C12orf42: variants seen among roughly 807,000 people sequenced by gnomAD.
C12orf42 encodes chromosome 12 open reading frame 42.
Under a neutral mutation model 21.6 loss-of-function variants are expected in C12orf42, and 25 were observed. The observed-to-expected ratio is 1.16, with a 90% CI of 0.84 to 1.62. The LOEUF is 1.62. Ranked by LOEUF, C12orf42 falls within the 40% of genes most tolerant of loss-of-function variation. C12orf42 has a pLI of 0.00. For synonymous variants in C12orf42, 174 were observed against 175.0 expected, an observed-to-expected ratio of 0.99 and a Z score of 0.05; for missense variants, 483 against 459.3, an observed-to-expected ratio of 1.05 and a Z score of -0.47.
chr12:103,436,870 C>T (rs1950765832), intron 2 of C12orf42, among the ~76,000 whole-genome samples: 2 of 148,914 alleles, frequency 1.3e-5, no homozygotes, highest in Admixed American at 6.7e-5. Flanking sequence ...AACAAGGATA[C>T]CCAGGAATTG....
At chr12:103,374,898 C>T (rs1318432197) in intron 3 of C12orf42, among the ~76,000 whole-genome samples, 2 of 152,194 alleles carry the variant, frequency 1.3e-5, no homozygotes, top group African/African-American at 4.8e-5. Flanking sequence ...GGACAATGCT[C>T]ACTTTGTCTT....
the C12orf42 span, among the ~76,000 whole-genome samples, chr12:103,219,716 A>G: frequency 1.3e-5 from 2 of 152,350 alleles, no homozygotes; most frequent in South Asian, 2.1e-4. Context: ...ATGAGATACC[A>G]TCTCACACCA....
At chr12:103,193,699 G>A in the C12orf42 span, among the ~76,000 whole-genome samples, 1 of 151,992 alleles carries the variant, frequency 6.6e-6, no homozygotes, top group Non-Finnish European at 1.5e-5. Flanking sequence ...ATCAGTAATC[G>A]AAAACCTTCC....
Position 103,401,698 on chromosome 12 carries a change from T to A in C12orf42, c.79-23A>T. ...TTTCTGAAACATTAGAAACAAGGCA[T>A]TTAGTATCACTTCAATAATTCTTAC... is the stretch of plus-strand genomic sequence containing the variant. On this transcript the variant is annotated intron_variant, in intron 2 of 5. Coordinates refer to ENST00000548883, the MANE Select transcript of C12orf42 (RefSeq NM_198521.5). 3 of 1,597,232 alleles carry A rather than the reference T, an allele frequency of 1.9e-6. No homozygotes were observed. The East Asian group carries it at 6.7e-5, about 36-fold the overall frequency.
chr12:103,313,422 C>G (rs1272395159), intron 4 of C12orf42, among the ~76,000 whole-genome samples: 1 of 152,052 alleles, frequency 6.6e-6, no homozygotes, highest in African/African-American at 2.4e-5. Context: ...TGCACCACAC[C>G]CAAGAGGTGG....
the C12orf42 span, among the ~76,000 whole-genome samples, chr12:103,059,784 T>C: frequency 6.6e-6 from 1 of 152,290 alleles, no homozygotes; most frequent in East Asian, 1.9e-4. Context: ...TTAACATCCC[T>C]TCATGTTAAA....
At chr12:103,385,937 C>A (rs1178873389) in intron 3 of C12orf42, among the ~76,000 whole-genome samples, 1 of 152,054 alleles carries the variant, frequency 6.6e-6, no homozygotes, top group Non-Finnish European at 1.5e-5. Flanking sequence ...TCACTGTGAT[C>A]AAAAAGGCTC....
chr12:103,177,895 G>T, the C12orf42 span, among the ~76,000 whole-genome samples: 1 of 151,978 alleles, frequency 6.6e-6, no homozygotes, highest in African/African-American at 2.4e-5. Context: ...TAACAGCAGT[G>T]CATCTCTTAG....
the C12orf42 span, among the ~76,000 whole-genome samples, chr12:103,543,655 C>T: frequency 1.3e-5 from 2 of 151,978 alleles, no homozygotes; most frequent in East Asian, 3.9e-4. Context: ...TCACCCACTT[C>T]CCAGTGCCCC....
chr12:103,290,436 A>G (rs995618171), intron 4 of C12orf42, among the ~76,000 whole-genome samples: 1 of 152,172 alleles, frequency 6.6e-6, no homozygotes, highest in Admixed American at 6.6e-5. Flanking sequence ...CACTCAAAAG[A>G]GGTTAAAATG....
chr12:103,524,166 A>G, the C12orf42 span, among the ~76,000 whole-genome samples: 117 of 152,280 alleles, frequency 7.7e-4, no homozygotes, highest in Non-Finnish European at 1.3e-3. Flanking sequence ...TCCTTTTGCA[A>G]GGATTTCTTG....
the C12orf42 span, among the ~76,000 whole-genome samples, chr12:103,542,571 C>G: frequency 5.1e-4 from 77 of 152,348 alleles, no homozygotes; most frequent in African/African-American, 1.8e-3. Context: ...AGCATATGAA[C>G]AAGTGCATGT....
At chr12:103,167,513 C>G in the C12orf42 span, among the ~76,000 whole-genome samples, 1 of 152,246 alleles carries the variant, frequency 6.6e-6, no homozygotes, top group East Asian at 1.9e-4. Context: ...CGATGAATTC[C>G]TATCTCTTAA....
the C12orf42 span, among the ~76,000 whole-genome samples, chr12:103,083,191 C>T: frequency 3.3e-5 from 5 of 152,200 alleles, no homozygotes; most frequent in South Asian, 1.0e-3. Context: ...ATGGCGAAAC[C>T]CCGTCTCTAC....
the C12orf42 span, among the ~76,000 whole-genome samples, chr12:103,161,119 G>C: frequency 1.3e-5 from 2 of 152,202 alleles, no homozygotes; most frequent in Non-Finnish European, 2.9e-5. Context: ...ACTTTCCAAA[G>C]TGGGGCAGGC....
At chr12:103,471,029 G>A (rs1219267178) in intron 2 of C12orf42, among the ~76,000 whole-genome samples, 1 of 152,178 alleles carries the variant, frequency 6.6e-6, no homozygotes, top group Non-Finnish European at 1.5e-5. Flanking sequence ...TAAAATGATT[G>A]TTGTTTTATA....
the C12orf42 span, among the ~76,000 whole-genome samples, chr12:103,552,118 A>T: frequency 1.3e-5 from 2 of 152,106 alleles, no homozygotes; most frequent in African/African-American, 2.4e-5. Context: ...TTTTGTTATG[A>T]GAAATTGCAT....
intron 3 of C12orf42, among the ~76,000 whole-genome samples, chr12:103,395,934 T>A (rs918779664): frequency 3.4e-5 from 5 of 148,600 alleles, no homozygotes; most frequent in African/African-American, 9.8e-5. Flanking sequence ...TATAATATAT[T>A]ATGTATATAT....
intron 2 of C12orf42, among the ~76,000 whole-genome samples, chr12:103,477,355 G>A (rs77331464): frequency 0.016 from 2,440 of 152,226 alleles, 70 homozygotes; most frequent in African/African-American, 0.056. Flanking sequence ...TGAGCACCAA[G>A]TCTGGAGGGT....
Sources: allele counts gnomAD v4.1 joint callset (sites outside exome capture counted in the v4.1 genomes callset), GRCh38; gene constraint gnomAD v4.1.1; transcripts MANE v1.5; gene names NCBI Gene and HGNC (gene_info 2026-07-23, HGNC 2026-07-21).